TNRC6C: variants seen among roughly 807,000 people sequenced by gnomAD.
TNRC6C encodes the protein trinucleotide repeat containing adaptor 6C.
Under a neutral mutation model 153.7 loss-of-function variants are expected in TNRC6C, and 20 were observed. The ratio of observed to expected loss-of-function variants is 0.13; its 90% CI spans 0.09 to 0.19. The LOEUF is 0.19. Among genes scored for constraint, TNRC6C ranks in the 10% least tolerant of loss-of-function variants. The probability of loss-of-function intolerance (pLI) is 1.00; values close to 1 mark genes in which losing one functional copy is unlikely to be tolerated. For synonymous variants in TNRC6C, 811 were observed against 841.4 expected (o/e 0.96, Z 0.63); for missense variants, 1,987 against 2,172.0 (o/e 0.91, Z 1.69).
At chr17:78,050,529 A>G (rs2072503953) in exon 3 of TNRC6C, 2 of 1,613,736 alleles carry the variant, frequency 1.2e-6, no homozygotes, top group South Asian at 2.2e-5. Context: ...CTTCAAACTC[A>G]GGGGGGAAGA....
chr17:77,962,913 T>C (rs904937594), intron 1 of TNRC6C, among the ~76,000 whole-genome samples: 1 of 152,222 alleles, frequency 6.6e-6, no homozygotes, highest in Non-Finnish European at 1.5e-5. Flanking sequence ...TAATATTTTG[T>C]TTGAAGATGT....
chr17:78,010,594 A>G (rs895384056), intron 1 of TNRC6C, among the ~76,000 whole-genome samples: 4 of 152,224 alleles, frequency 2.6e-5, no homozygotes, highest in Admixed American at 2.0e-4. Flanking sequence ...AATTTTAGGA[A>G]GGAACTTAGA....
At chr17:78,004,586 TTCAACTGA>T (rs1186575675), upstream of TNRC6C, among the ~76,000 whole-genome samples, 4 of 152,192 alleles carry the variant, frequency 2.6e-5, no homozygotes, top group African/African-American at 7.2e-5. Flanking sequence ...AGAAGGGCCA[TTCAACTGA>T]TCTTATTAGA....
upstream of TNRC6C, among the ~76,000 whole-genome samples, chr17:77,958,151 G>C (rs2070823688): frequency 4.6e-5 from 7 of 151,868 alleles, no homozygotes; most frequent in South Asian, 1.0e-3. Flanking sequence ...CGAGACGCGC[G>C]CCGGTGCGGG....
upstream of TNRC6C, among the ~76,000 whole-genome samples, chr17:78,001,562 T>C (rs2071412296): frequency 1.3e-5 from 2 of 152,062 alleles, no homozygotes; most frequent in African/African-American, 4.8e-5. Context: ...ATTGGACATC[T>C]CAGTAGGGGG....
chr17:78,090,978 A>G (rs1216994623), intron 13 of TNRC6C, among the ~76,000 whole-genome samples: 1 of 152,176 alleles, frequency 6.6e-6, no homozygotes, highest in African/African-American at 2.4e-5. Flanking sequence ...GATTTTCCTA[A>G]TAGTTTGGAC....
intron 2 of TNRC6C, among the ~76,000 whole-genome samples, chr17:78,039,321 C>CCCCA (rs1006412824): frequency 2.3e-5 from 2 of 88,732 alleles, no homozygotes; most frequent in African/African-American, 7.6e-5. Context: ...CCCCCCCCCC[C>CCCCA]ACTCCCTACC....
At chr17:78,092,407 GGAA>G (rs1311459547) in intron 14 of TNRC6C, among the ~76,000 whole-genome samples, 1 of 152,130 alleles carries the variant, frequency 6.6e-6, no homozygotes, top group Non-Finnish European at 1.5e-5. Context: ...CTAAAAGGAG[GGAA>G]GAGATAACAG....
At chr17:78,021,137 G>A (rs1392633086) in intron 1 of TNRC6C, among the ~76,000 whole-genome samples, 2 of 152,228 alleles carry the variant, frequency 1.3e-5, no homozygotes, top group African/African-American at 2.4e-5. Context: ...GCTGAAGAAG[G>A]AGGCTGGACT....
chr17:78,082,437 G>T (rs555645378), intron 10 of TNRC6C, among the ~76,000 whole-genome samples: 1 of 152,174 alleles, frequency 6.6e-6, no homozygotes, highest in East Asian at 1.9e-4. Flanking sequence ...CCTTAAAACA[G>T]AAACACAGTC....
At chr17:78,095,326 G>A (rs907592393) in intron 16 of TNRC6C, among the ~76,000 whole-genome samples, 5 of 152,236 alleles carry the variant, frequency 3.3e-5, no homozygotes, top group Non-Finnish European at 4.4e-5. Context: ...CAGCTCCATA[G>A]CCTGCCCAGT....
At chr17:78,103,643 C>T in intron 19 of TNRC6C, 90 bp downstream of exon 22, 2 of 1,544,236 alleles carry the variant, frequency 1.3e-6, no homozygotes, top group Non-Finnish European at 1.7e-6. Context: ...TGTCCTGAGC[C>T]ACCATAGCAG....
chr17:78,046,469 C>T lies in TNRC6C; in HGVS notation c.-218-2376C>T, dbSNP rs144142242. On this transcript the variant is annotated intron_variant, in intron 2 of 19. Coordinates refer to ENST00000301624, the Ensembl canonical transcript of TNRC6C. ...CTGGGATTACAGGCGAGAGCCACTG[C>T]GCCTGGCCGGGAATTCTTTAAGCTG... is the stretch of plus-strand genomic sequence containing the variant. Among the ~76,000 whole-genome samples, 97 of 152,294 alleles carry T rather than the reference C, an allele frequency of 6.4e-4. No homozygotes were observed. The East Asian group carries it at 0.017, about 27-fold the overall frequency.
At chr17:78,056,128 G>A (rs1019403236) in intron 3 of TNRC6C, among the ~76,000 whole-genome samples, 5 of 151,532 alleles carry the variant, frequency 3.3e-5, no homozygotes, top group African/African-American at 1.2e-4. Flanking sequence ...GGGATCATAG[G>A]TGTGAGCCAC....
chr17:78,094,125 A>G (rs555140904), intron 16 of TNRC6C, among the ~76,000 whole-genome samples: 1 of 151,972 alleles, frequency 6.6e-6, no homozygotes, highest in South Asian at 2.1e-4. Flanking sequence ...AATTACAGGC[A>G]TGTGTGCCAC....
chr17:78,050,663 C>T (rs185849028), exon 3 of TNRC6C: 54 of 1,559,700 alleles, frequency 3.5e-5, no homozygotes, highest in African/African-American at 2.7e-4. Context: ...CCAAGTGGCC[C>T]GGGGGTTTGG....
intron 1 of TNRC6C, among the ~76,000 whole-genome samples, chr17:77,994,404 C>G (rs1039338395): frequency 1.3e-5 from 2 of 152,160 alleles, no homozygotes; most frequent in Non-Finnish European, 2.9e-5. Context: ...CTGCCCAGGT[C>G]TTGTATGCTC....
At chr17:78,038,866 A>G (rs1163396618) in intron 2 of TNRC6C, among the ~76,000 whole-genome samples, 1 of 152,064 alleles carries the variant, frequency 6.6e-6, no homozygotes, top group East Asian at 1.9e-4. Context: ...CTTTACACAT[A>G]TTAACTCATT....
At chr17:78,057,412 A>G (rs1242120908) in intron 3 of TNRC6C, among the ~76,000 whole-genome samples, 4 of 152,258 alleles carry the variant, frequency 2.6e-5, no homozygotes, top group Non-Finnish European at 4.4e-5. Context: ...TAGAAGTAAC[A>G]GTTCCACACC....
Sources: allele counts gnomAD v4.1 joint callset (sites outside exome capture counted in the v4.1 genomes callset), GRCh38; gene constraint gnomAD v4.1.1; transcripts MANE v1.5; gene names NCBI Gene and HGNC (gene_info 2026-07-23, HGNC 2026-07-21).